EDA2R: variants seen among roughly 807,000 people sequenced by gnomAD.
EDA2R encodes tumor necrosis factor receptor superfamily member 27.
In EDA2R, 26 loss-of-function variants were observed where a neutral mutation model predicts 20.1. The ratio of observed to expected loss-of-function variants is 1.30; its 90% CI spans 0.95 to 1.80. The LOEUF is 1.80. EDA2R is among the 40% of genes most tolerant of loss of function. The probability of loss-of-function intolerance (pLI) is 0.00; values close to 1 mark genes in which losing one functional copy is unlikely to be tolerated. For missense variants in EDA2R, 277 were observed against 228.7 expected (o/e 1.21, Z -1.36); for synonymous variants, 114 against 88.7 (o/e 1.29, Z -1.60).
At chrX:66,630,222 C>T (rs143567231) in intron 1 of EDA2R, among the ~76,000 whole-genome samples, 25 of 111,320 alleles carry the variant, frequency 2.2e-4, no homozygotes, top group African/African-American at 7.8e-4. Context: ...ATCTAAGACC[C>T]GAATCTATAA....
At chrX:66,617,895 C>T (rs1385858888) in intron 1 of EDA2R, among the ~76,000 whole-genome samples, 3 of 98,449 alleles carry the variant, frequency 3.0e-5, no homozygotes, top group Non-Finnish European at 6.1e-5. Context: ...TTCTCTCTCT[C>T]TCTCCTTCCT....
chrX:66,613,531 A>G (rs1001164483), intron 2 of EDA2R, among the ~76,000 whole-genome samples: 3 of 111,959 alleles, frequency 2.7e-5, no homozygotes, highest in African/African-American at 9.7e-5. Flanking sequence ...AGGAAGGCAT[A>G]AAATTAATAG....
chrX:66,636,149 C>T (rs1018162818), intron 1 of EDA2R, among the ~76,000 whole-genome samples: 3 of 111,651 alleles, frequency 2.7e-5, no homozygotes, highest in Admixed American at 9.5e-5. Context: ...CCTCCTCTCG[C>T]CTATGCCTCC....
intron 1 of EDA2R, among the ~76,000 whole-genome samples, chrX:66,625,257 G>C (rs1270225487): frequency 9.0e-6 from 1 of 111,066 alleles, no homozygotes; most frequent in East Asian, 2.8e-4. Flanking sequence ...CTGGGAGGTG[G>C]GTAACCTGGG....
chrX:66,599,763 A>C lies in EDA2R; in HGVS notation c.615T>G (p.Ser205Arg), dbSNP rs1204025543. The change falls in exon 6 of 7, where the codon AGT becomes AGG. Residue 205 changes from serine (S) to arginine (R), a missense_variant. Physicochemically the swap from Ser to Arg is moderately radical, Grantham distance 110. Coordinates refer to ENST00000374719, the MANE Select transcript of EDA2R (RefSeq NM_021783.5). ...GTGGCTGGGTCTGAAAGATGTTCTC[A>C]CTCACTTGGGACTCAGCACTGGTCT... ...SKETSAESQV[S>R]ENIFQTQPLN... 1 of 1,207,587 alleles carries C rather than the reference A, an allele frequency of 8.3e-7. No individual in the cohort carries two copies. Among genetic ancestry groups the C allele is most frequent in the East Asian group, 3.0e-5 (1 of 33,608 alleles).
At chrX:66,610,347 TG>T (rs769149464) in intron 2 of EDA2R, among the ~76,000 whole-genome samples, 1 of 109,085 alleles carries the variant, frequency 9.2e-6, no homozygotes, top group Non-Finnish European at 1.9e-5. Context: ...GTGGGTTGTG[TG>T]TAGTGCTTGT....
intron 1 of EDA2R, among the ~76,000 whole-genome samples, chrX:66,616,575 C>G (rs986473045): frequency 8.9e-6 from 1 of 112,362 alleles, no homozygotes; most frequent in African/African-American, 3.2e-5. Context: ...TTCTCTTTGC[C>G]AACAGTGGCC....
chrX:66,613,428 C>T (rs1382117232), intron 2 of EDA2R, among the ~76,000 whole-genome samples: 1 of 111,377 alleles, frequency 9.0e-6, no homozygotes, highest in African/African-American at 3.3e-5. Context: ...GGCAAATAAA[C>T]ACAGTAAAGT....
intron 5 of EDA2R, 90 bp from the exon 6 acceptor site, chrX:66,599,950 G>C: frequency 8.8e-7 from 1 of 1,141,222 alleles, no homozygotes; most frequent in Non-Finnish European, 1.2e-6. Context: ...GACAGGTAAA[G>C]GTCTGGGAGC....
chrX:66,610,825 C>T (rs1240855160), intron 2 of EDA2R, among the ~76,000 whole-genome samples: 1 of 111,229 alleles, frequency 9.0e-6, no homozygotes. Flanking sequence ...TCCCCATGGG[C>T]CTGCGATTCC....
intron 1 of EDA2R, among the ~76,000 whole-genome samples, chrX:66,632,430 G>A (rs1314434270): frequency 9.8e-6 from 1 of 102,492 alleles, no homozygotes; most frequent in African/African-American, 3.8e-5. Flanking sequence ...AGAAGAAGAA[G>A]AAGAAGCAGG....
chrX:66,624,065 C>A (rs1459522995), intron 1 of EDA2R, among the ~76,000 whole-genome samples: 1 of 112,395 alleles, frequency 8.9e-6, no homozygotes, highest in African/African-American at 3.2e-5. Flanking sequence ...AGGCATTAAA[C>A]AAATATTTGT....
intron 1 of EDA2R, among the ~76,000 whole-genome samples, chrX:66,619,263 C>T (rs1188134235): frequency 8.9e-6 from 1 of 111,971 alleles, no homozygotes. Context: ...CCAAGATACC[C>T]TCAGTGCCTA....
chrX:66,618,831 C>A (rs1234475953), intron 1 of EDA2R, among the ~76,000 whole-genome samples: 1 of 112,457 alleles, frequency 8.9e-6, no homozygotes, highest in Admixed American at 9.4e-5. Flanking sequence ...TAGTTAGGGA[C>A]ATGTAGACTT....
chrX:66,630,933 GTACATATATACACGTATGTGTGTATACA>G (rs1405529184), intron 1 of EDA2R, among the ~76,000 whole-genome samples: 61 of 105,506 alleles, frequency 5.8e-4, no homozygotes, highest in East Asian at 5.4e-3. Context: ...GTGTATATAC[GTACATATATACACGTATGTGTGTATACA>G]TACATATATA....
At chrX:66,614,604 G>A (rs188717461) in intron 2 of EDA2R, among the ~76,000 whole-genome samples, 36 of 112,134 alleles carry the variant, frequency 3.2e-4, no homozygotes, top group African/African-American at 1.0e-3. Flanking sequence ...TCAACCATGT[G>A]GGTACCCCAC....
intron 1 of EDA2R, among the ~76,000 whole-genome samples, chrX:66,636,462 A>G (rs1934333239): frequency 9.0e-6 from 1 of 110,980 alleles, no homozygotes; most frequent in Non-Finnish European, 1.9e-5. Context: ...GTCATGGAAG[A>G]AAAAGAACAG....
At chrX:66,624,138 T>A (rs1315495626) in intron 1 of EDA2R, among the ~76,000 whole-genome samples, 1 of 111,805 alleles carries the variant, frequency 8.9e-6, no homozygotes, top group Non-Finnish European at 1.9e-5. Flanking sequence ...GAGTAAAAGG[T>A]TTCATAGTTT....
At chrX:66,618,720 T>C (rs1359452178) in intron 1 of EDA2R, among the ~76,000 whole-genome samples, 1 of 112,260 alleles carries the variant, frequency 8.9e-6, no homozygotes, top group Non-Finnish European at 1.9e-5. Context: ...TATGGTTAAC[T>C]ATGCATATGA....
Sources: gnomAD v4.1 joint callset for allele counts (sites outside exome capture counted in the v4.1 genomes callset) on GRCh38, gnomAD v4.1.1 for gene constraint, MANE v1.5 for transcripts, NCBI Gene and HGNC (gene_info 2026-07-23, HGNC 2026-07-21) for gene names.